Variants in PCDH9 observed in about 807,000 individuals in gnomAD.
PCDH9 encodes protocadherin 9.
Under a neutral mutation model 70.6 loss-of-function variants are expected in PCDH9, and 24 were observed. That is an observed-to-expected ratio of 0.34 (90% CI 0.25 to 0.48). PCDH9 has a LOEUF of 0.48. Among genes scored for constraint, PCDH9 ranks in the 20% least tolerant of loss-of-function variants. The pLI is 0.99. For synonymous variants in PCDH9, 562 were observed against 558.5 expected, an observed-to-expected ratio of 1.01 and a Z score of -0.09; for missense variants, 1,281 against 1,503.6, an observed-to-expected ratio of 0.85 and a Z score of 2.45.
chr13:66,966,803 C>A (rs923456344), intron 2 of PCDH9, among the ~76,000 whole-genome samples: 3 of 151,720 alleles, frequency 2.0e-5, no homozygotes, highest in African/African-American at 7.3e-5. Flanking sequence ...AAAATGAAGT[C>A]TACAGTGAAG....
Position 66,650,134 on chromosome 13 carries a change from AC to A in PCDH9, c.3139-18724del, listed in dbSNP as rs201755408. ...AAATGGCAGGAGTAAATCTTTACTTACCAATAATAACATTGACTGTAAATGA... is the reference window on the plus strand; with the variant it reads ...AAATGGCAGGAGTAAATCTTTACTTACAATAATAACATTGACTGTAAATGA... On this transcript the variant is annotated intron_variant, in intron 3 of 4. Transcript: ENST00000377865. Among the ~76,000 whole-genome samples the A allele has an allele frequency of 4.8e-3, 730 of 152,132 alleles. 6 individuals carry two copies. Among genetic ancestry groups the A allele is most frequent in the African/African-American group, 0.017 (708 of 41,562 alleles).
intron 2 of PCDH9, among the ~76,000 whole-genome samples, chr13:67,036,942 A>T (rs1354642930): frequency 6.6e-6 from 1 of 152,228 alleles, no homozygotes; most frequent in African/African-American, 2.4e-5. Flanking sequence ...AGTTGTCCGG[A>T]TGAAATGGAC....
intron 3 of PCDH9, among the ~76,000 whole-genome samples, chr13:66,698,119 T>TG (rs938325155): frequency 5.9e-5 from 9 of 152,132 alleles, no homozygotes; most frequent in African/African-American, 2.2e-4. Context: ...ACAGGGTCTG[T>TG]GGGGCAGTAG....
chr13:66,717,464 A>C (rs1386721846), intron 3 of PCDH9, among the ~76,000 whole-genome samples: 1 of 34,468 alleles, frequency 2.9e-5, no homozygotes, highest in Non-Finnish European at 6.2e-5. Flanking sequence ...AAAAAAAAAA[A>C]AAAAAAAAAA....
intron 3 of PCDH9, among the ~76,000 whole-genome samples, chr13:66,777,051 T>C (rs879148246): frequency 6.6e-6 from 1 of 151,026 alleles, no homozygotes; most frequent in East Asian, 1.9e-4. Context: ...ATTTAATAAA[T>C]GGTGCTGGGA....
chr13:66,926,246 A>G (rs2139652180), intron 2 of PCDH9, among the ~76,000 whole-genome samples: 1 of 152,104 alleles, frequency 6.6e-6, no homozygotes, highest in East Asian at 1.9e-4. Context: ...ACAGTACTTT[A>G]TGGTAATTGT....
chr13:67,151,473 C>T (rs1447075584), intron 2 of PCDH9, among the ~76,000 whole-genome samples: 1 of 152,054 alleles, frequency 6.6e-6, no homozygotes. Context: ...TACTGGTAAA[C>T]TCAGAGCTCC....
At chr13:66,716,790 T>C (rs1412379088) in intron 3 of PCDH9, among the ~76,000 whole-genome samples, 1 of 152,186 alleles carries the variant, frequency 6.6e-6, no homozygotes, top group Admixed American at 6.5e-5. Flanking sequence ...AGTGGTAGAA[T>C]TACCCTGAAG....
At chr13:67,026,799 G>A (rs1004964023) in intron 2 of PCDH9, among the ~76,000 whole-genome samples, 2 of 151,496 alleles carry the variant, frequency 1.3e-5, no homozygotes, top group African/African-American at 4.8e-5. Context: ...AATCATGAGT[G>A]AACTCCCATT....
chr13:67,135,067 A>G (rs565826767), intron 2 of PCDH9, among the ~76,000 whole-genome samples: 17 of 152,254 alleles, frequency 1.1e-4, no homozygotes, highest in African/African-American at 3.8e-4. Context: ...ATTCCTAATA[A>G]TAATGCATTT....
At chr13:66,931,379 C>T (rs2082805010) in intron 2 of PCDH9, among the ~76,000 whole-genome samples, 1 of 152,012 alleles carries the variant, frequency 6.6e-6, no homozygotes, top group South Asian at 2.1e-4. Context: ...AAAATGAATT[C>T]ATCCCTAATC....
At chr13:66,491,647 T>A (rs1476707778) in intron 4 of PCDH9, among the ~76,000 whole-genome samples, 3 of 152,156 alleles carry the variant, frequency 2.0e-5, no homozygotes, top group Non-Finnish European at 4.4e-5. Flanking sequence ...GTTGAACTTG[T>A]ACACTGTATC....
chr13:67,110,514 CAAAAAAA>C (rs67490405), intron 2 of PCDH9, among the ~76,000 whole-genome samples: 3 of 78,674 alleles, frequency 3.8e-5, no homozygotes, highest in Non-Finnish European at 7.2e-5. Flanking sequence ...CACTCCATCT[CAAAAAAA>C]AAAAAAAAAA....
chr13:66,309,086 T>A (rs944319400), intron 4 of PCDH9, among the ~76,000 whole-genome samples: 1 of 152,096 alleles, frequency 6.6e-6, no homozygotes, highest in African/African-American at 2.4e-5. Context: ...ACTTACTTTA[T>A]GCTTCGGTAA....
intron 3 of PCDH9, among the ~76,000 whole-genome samples, chr13:66,676,989 G>T (rs1205665095): frequency 6.6e-6 from 1 of 151,764 alleles, no homozygotes; most frequent in Admixed American, 6.6e-5. Context: ...ATTCAAAGTC[G>T]GTATGCGGAT....
intron 4 of PCDH9, among the ~76,000 whole-genome samples, chr13:66,324,481 A>AAAAGCCATTGGCCATTCTATGTAAT: frequency 2.0e-5 from 3 of 152,092 alleles, no homozygotes; most frequent in African/African-American, 7.3e-5. Context: ...TTCTAATTCC[A>AAAAGCCATTGGCCATTCTATGTAAT]AAAACAAGGC....
intron 2 of PCDH9, among the ~76,000 whole-genome samples, chr13:67,150,405 G>A (rs2087628900): frequency 6.6e-6 from 1 of 152,122 alleles, no homozygotes. Flanking sequence ...GAAAAAATCA[G>A]TATTAATAGA....
chr13:66,856,783 G>A (rs182130108), intron 3 of PCDH9, among the ~76,000 whole-genome samples: 92 of 152,084 alleles, frequency 6.0e-4, no homozygotes, highest in African/African-American at 1.6e-3. Context: ...TATGCCAAAC[G>A]TATGATATTC....
chr13:66,840,375 A>G (rs1169932623), intron 3 of PCDH9, among the ~76,000 whole-genome samples: 2 of 152,220 alleles, frequency 1.3e-5, no homozygotes, highest in Non-Finnish European at 2.9e-5. Context: ...AATATAGTTA[A>G]ATATTCAAAT....
Sources: allele counts gnomAD v4.1 joint callset (sites outside exome capture counted in the v4.1 genomes callset), GRCh38; gene constraint gnomAD v4.1.1; transcripts MANE v1.5; gene names NCBI Gene and HGNC (gene_info 2026-07-23, HGNC 2026-07-21).